The following KIF15 variants were observed in gnomAD, a reference collection of about 807,000 sequenced individuals.
KIF15 encodes the protein kinesin family member 15.
A neutral mutation model predicts 190.6 loss-of-function variants in KIF15; 140 were observed. The observed-to-expected ratio is 0.73, with a 90% confidence interval of 0.64 to 0.84. The LOEUF (loss-of-function observed/expected upper bound fraction) is 0.84, where lower values mean the gene tolerates loss of function less well. Among genes scored for constraint, KIF15 ranks in the 40% least tolerant of loss-of-function variants. KIF15 has a pLI of 0.00. For synonymous variants in KIF15, 528 were observed against 551.3 expected (o/e 0.96, Z 0.59); for missense variants, 1,372 against 1,584.4 (o/e 0.87, Z 2.28).
At chr3:44,849,128 C>CT (rs747190406) in intron 32 of KIF15, among the ~76,000 whole-genome samples, 1 of 152,104 alleles carries the variant, frequency 6.6e-6, no homozygotes, top group Non-Finnish European at 1.5e-5. Flanking sequence ...AGCTATTGGG[C>CT]TTTTTCTGGG....
At chr3:44,788,148 C>T (rs1031354562) in intron 7 of KIF15, among the ~76,000 whole-genome samples, 7 of 152,172 alleles carry the variant, frequency 4.6e-5, no homozygotes, top group South Asian at 2.1e-4. Context: ...CTACCGTGCC[C>T]GGCACATAAT....
chr3:44,811,256 A>G (rs1006292288), intron 17 of KIF15, among the ~76,000 whole-genome samples: 1 of 152,154 alleles, frequency 6.6e-6, no homozygotes, highest in African/African-American at 2.4e-5. Context: ...GTCATTCTCC[A>G]TGGGTTTTTG....
intron 24 of KIF15, among the ~76,000 whole-genome samples, chr3:44,829,284 G>A (rs1697847340): frequency 6.6e-6 from 1 of 150,690 alleles, no homozygotes; most frequent in South Asian, 2.1e-4. Flanking sequence ...GTGAACCCGG[G>A]AGGCGGAGCT....
chr3:44,786,907 C>T (rs1012278867), intron 7 of KIF15, among the ~76,000 whole-genome samples: 5 of 152,142 alleles, frequency 3.3e-5, no homozygotes, highest in Admixed American at 1.3e-4. Flanking sequence ...GCTGGCTGTT[C>T]TTTTCTACGT....
At chr3:44,826,979 G>A (rs1449546495) in intron 22 of KIF15, 1 of 455,936 alleles carries the variant, frequency 2.2e-6, no homozygotes, top group Non-Finnish European at 4.4e-6. Flanking sequence ...CTTCCTATGA[G>A]GTCGCTTTTC....
At chr3:44,784,780 A>C (rs2125915569) in intron 5 of KIF15, 65 bp from the exon 6 acceptor site, 1 of 821,482 alleles carries the variant, frequency 1.2e-6, no homozygotes, top group Non-Finnish European at 2.0e-6. Flanking sequence ...TTCTGTGTAA[A>C]TTGCCATTTT....
At chr3:44,809,494 G>A (rs1328136338) in intron 16 of KIF15, among the ~76,000 whole-genome samples, 2 of 151,874 alleles carry the variant, frequency 1.3e-5, no homozygotes, top group Non-Finnish European at 2.9e-5. Context: ...TTACATTGAG[G>A]TGTTTGTGTA....
chr3:44,786,523 T>C lies in KIF15; in HGVS notation c.588T>C (p.Phe196=), dbSNP rs751768638. 2.5e-6 allele frequency: 4 copies of C among 1,613,106 alleles called. No homozygotes were observed. The highest frequency in any genetic ancestry group is 1.3e-5 in the African/African-American group (1 of 74,920). ...YLREHIKKGV[F]VVGAVEQVVT... The stretch of plus-strand genomic sequence containing the variant: ...GGGAGCATATCAAGAAGGGAGTCTT[T>C]GTTGTTGGTGCGGTGGAGCAGGTGG... Residue 196 remains phenylalanine, a synonymous_variant, in exon 7 of 35, where the codon TTT becomes TTC. Coordinates refer to ENST00000326047, the MANE Select transcript of KIF15 (RefSeq NM_020242.3).
chr3:44,791,609 TTTTTGATTTTTTA>T (rs1243955761), intron 7 of KIF15, among the ~76,000 whole-genome samples: 5 of 152,330 alleles, frequency 3.3e-5, no homozygotes, highest in African/African-American at 1.2e-4. Context: ...GGTATTTTTG[TTTTTGATTTTTTA>T]TTTTGATTTT....
chr3:44,846,005 C>G (rs1466471565), intron 30 of KIF15, among the ~76,000 whole-genome samples: 1 of 152,184 alleles, frequency 6.6e-6, no homozygotes, highest in African/African-American at 2.4e-5. Flanking sequence ...GCTTGCATAC[C>G]CTGCAATTGC....
chr3:44,781,178 A>G (rs1559528522), intron 5 of KIF15, among the ~76,000 whole-genome samples: 1 of 152,230 alleles, frequency 6.6e-6, no homozygotes, highest in African/African-American at 2.4e-5. Context: ...GGATTTAATG[A>G]ATTCGTATAT....
intron 16 of KIF15, among the ~76,000 whole-genome samples, chr3:44,809,909 C>G (rs1231128296): frequency 6.6e-6 from 1 of 151,766 alleles, no homozygotes; most frequent in Admixed American, 6.6e-5. Context: ...TCTACTAAAA[C>G]TACAAAAATT....
intron 5 of KIF15, among the ~76,000 whole-genome samples, chr3:44,783,682 TTA>T (rs1706272323): frequency 6.6e-6 from 1 of 152,240 alleles, no homozygotes; most frequent in South Asian, 2.1e-4. Flanking sequence ...TCTACCTCTG[TTA>T]TATATTTCTT....
chr3:44,807,895 TA>T (rs943421186), intron 16 of KIF15, among the ~76,000 whole-genome samples: 54 of 152,264 alleles, frequency 3.5e-4, no homozygotes, highest in African/African-American at 1.2e-3. Context: ...GGTAGAAATT[TA>T]AAAATTATTT....
intron 26 of KIF15, among the ~76,000 whole-genome samples, chr3:44,834,076 G>T (rs559349241): frequency 6.6e-6 from 1 of 152,078 alleles, no homozygotes; most frequent in African/African-American, 2.4e-5. Flanking sequence ...ATGTGACTAC[G>T]AATATTGTAT....
At chr3:44,813,519 G>A (rs1186990347) in intron 19 of KIF15, among the ~76,000 whole-genome samples, 1 of 151,962 alleles carries the variant, frequency 6.6e-6, no homozygotes, top group Non-Finnish European at 1.5e-5. Context: ...CCGAGTTCAA[G>A]CGATTCCCCA....
At chr3:44,821,550 A>C (rs1486015003) in intron 20 of KIF15, among the ~76,000 whole-genome samples, 21 of 150,882 alleles carry the variant, frequency 1.4e-4, no homozygotes, top group Non-Finnish European at 2.7e-4. Flanking sequence ...GACGCTCCTC[A>C]CTTCCTAGAT....
chr3:44,782,584 A>G (rs2125913050), intron 5 of KIF15, among the ~76,000 whole-genome samples: 1 of 152,308 alleles, frequency 6.6e-6, no homozygotes, highest in East Asian at 1.9e-4. Flanking sequence ...AAAAGCAAAT[A>G]CACCTCTAGA....
intron 20 of KIF15, among the ~76,000 whole-genome samples, chr3:44,821,717 A>G (rs1038820919): frequency 2.0e-5 from 3 of 151,700 alleles, no homozygotes; most frequent in African/African-American, 4.8e-5. Flanking sequence ...CTTCCCAGAC[A>G]GGGTGGCGGC....
Sources: gnomAD v4.1 joint callset for allele counts (sites outside exome capture counted in the v4.1 genomes callset) on GRCh38, gnomAD v4.1.1 for gene constraint, MANE v1.5 for transcripts, NCBI Gene and HGNC (gene_info 2026-07-23, HGNC 2026-07-21) for gene names.